Variants in LRP1B observed in about 807,000 individuals in gnomAD.
LRP1B encodes the protein low-density lipoprotein receptor-related protein 1B.
LRP1B carries 217 observed loss-of-function variants against 556.6 expected under a neutral mutation model. The ratio of observed to expected loss-of-function variants is 0.39; its 90% CI spans 0.35 to 0.44. The LOEUF (loss-of-function observed/expected upper bound fraction) is 0.44, where lower values mean the gene tolerates loss of function less well. Ranked by LOEUF, LRP1B falls within the 20% of genes least tolerant of loss-of-function variation. The pLI, the probability that LRP1B is intolerant of heterozygous loss-of-function variation, is 1.00. For missense variants in LRP1B, 5,053 were observed against 5,620.8 expected (o/e 0.90, Z 3.23); for synonymous variants, 2,047 against 1,865.8 (o/e 1.10, Z -2.50).
chr2:141,997,011 A>G (rs1430173439), intron 1 of LRP1B, among the ~76,000 whole-genome samples: 1 of 152,168 alleles, frequency 6.6e-6, no homozygotes, highest in Non-Finnish European at 1.5e-5. Flanking sequence ...AGTGATGCCC[A>G]GAGCATCACT....
At chr2:141,457,030 T>C (rs1294598725) in intron 3 of LRP1B, among the ~76,000 whole-genome samples, 3 of 152,212 alleles carry the variant, frequency 2.0e-5, no homozygotes, top group East Asian at 1.9e-4. Context: ...TGGAATGAGT[T>C]AGATCAGGTG....
intron 32 of LRP1B, among the ~76,000 whole-genome samples, chr2:140,805,341 G>T (rs1330759718): frequency 1.3e-5 from 2 of 152,068 alleles, no homozygotes; most frequent in African/African-American, 2.4e-5. Flanking sequence ...AAGGCTGGTG[G>T]TTTTTTTGCC....
chr2:140,961,357 C>T (rs1696027786), intron 18 of LRP1B, among the ~76,000 whole-genome samples: 1 of 151,892 alleles, frequency 6.6e-6, no homozygotes, highest in Admixed American at 6.6e-5. Flanking sequence ...CAATCATTTC[C>T]TAGGTCACAA....
chr2:140,685,908 G>A (rs1686032164), intron 41 of LRP1B, among the ~76,000 whole-genome samples: 2 of 152,072 alleles, frequency 1.3e-5, no homozygotes, highest in South Asian at 4.1e-4. Flanking sequence ...CAGCAAATAA[G>A]GAAGTGATAA....
intron 1 of LRP1B, among the ~76,000 whole-genome samples, chr2:142,112,754 G>T (rs1271811525): frequency 6.6e-6 from 1 of 152,044 alleles, no homozygotes; most frequent in Non-Finnish European, 1.5e-5. Flanking sequence ...GTTCTGATGT[G>T]CTCAGTACAA....
intron 31 of LRP1B, among the ~76,000 whole-genome samples, chr2:140,820,912 TA>T (rs5834782): frequency 6.9e-4 from 99 of 143,738 alleles, no homozygotes; most frequent in Middle Eastern, 3.7e-3. Flanking sequence ...GTTGCTTCTT[TA>T]AAAAAAAAAA....
intron 20 of LRP1B, among the ~76,000 whole-genome samples, chr2:140,947,158 G>C (rs1297248182): frequency 6.6e-6 from 1 of 151,934 alleles, no homozygotes; most frequent in Non-Finnish European, 1.5e-5. Flanking sequence ...AGTACCCCCC[G>C]AATCTATTAT....
chr2:140,492,225 G>A (rs2104861399), intron 57 of LRP1B, among the ~76,000 whole-genome samples: 1 of 152,186 alleles, frequency 6.6e-6, no homozygotes, highest in African/African-American at 2.4e-5. Context: ...ATTATAAAAA[G>A]CAGTGGAGGA....
chr2:141,145,397 A>ATATT (rs139058657), intron 7 of LRP1B, among the ~76,000 whole-genome samples: 51,785 of 151,750 alleles, frequency 0.34, 10,127 homozygotes, highest in African/African-American at 0.54. Context: ...TTTCATTCGT[A>ATATT]TAGATTACAT....
At chr2:140,887,965 T>C (rs1693689049) in intron 23 of LRP1B, among the ~76,000 whole-genome samples, 1 of 152,158 alleles carries the variant, frequency 6.6e-6, no homozygotes, top group Non-Finnish European at 1.5e-5. Flanking sequence ...CAAAATTAAA[T>C]AGTTGTAATA....
At chr2:140,975,170 T>C (rs1696555020) in intron 18 of LRP1B, among the ~76,000 whole-genome samples, 1 of 152,136 alleles carries the variant, frequency 6.6e-6, no homozygotes, top group African/African-American at 2.4e-5. Flanking sequence ...CTTAAGGCTA[T>C]GAGATATACA....
intron 2 of LRP1B, among the ~76,000 whole-genome samples, chr2:141,665,096 G>A (rs1690375651): frequency 1.3e-5 from 2 of 152,090 alleles, no homozygotes; most frequent in Non-Finnish European, 2.9e-5. Flanking sequence ...ACAGAAACAA[G>A]CAATGGGGAA....
At chr2:141,173,622 T>C (rs1680603691) in intron 7 of LRP1B, among the ~76,000 whole-genome samples, 1 of 152,108 alleles carries the variant, frequency 6.6e-6, no homozygotes, top group Admixed American at 6.6e-5. Flanking sequence ...CACTTGTTCC[T>C]CCTGCATGTC....
chr2:140,719,162 T>C (rs541089720), intron 35 of LRP1B, among the ~76,000 whole-genome samples: 1 of 152,224 alleles, frequency 6.6e-6, no homozygotes, highest in African/African-American at 2.4e-5. Flanking sequence ...TGGCACATAA[T>C]AAGCTCAAAG....
chr2:140,423,806 T>C (rs1451825141), intron 66 of LRP1B, among the ~76,000 whole-genome samples: 2 of 152,048 alleles, frequency 1.3e-5, no homozygotes, highest in African/African-American at 4.8e-5. Flanking sequence ...AATCTAGACA[T>C]TATCAAGAAA....
intron 3 of LRP1B, among the ~76,000 whole-genome samples, chr2:141,440,286 A>G (rs1159725616): frequency 6.6e-6 from 1 of 152,216 alleles, no homozygotes; most frequent in Non-Finnish European, 1.5e-5. Context: ...GGCTATTTAG[A>G]GGACTTAGTC....
At chr2:142,089,909 T>C (rs999043984) in intron 1 of LRP1B, among the ~76,000 whole-genome samples, 3 of 152,250 alleles carry the variant, frequency 2.0e-5, no homozygotes, top group Non-Finnish European at 4.4e-5. Flanking sequence ...TATTATCCAG[T>C]TTTGGTTTTA....
At chr2:141,380,098 G>T (rs1279479351) in intron 3 of LRP1B, among the ~76,000 whole-genome samples, 3 of 152,028 alleles carry the variant, frequency 2.0e-5, no homozygotes, top group Non-Finnish European at 2.9e-5. Flanking sequence ...CTTTTAACTT[G>T]CTTGTCTCTT....
chr2:141,683,919 A>G (rs755870342), intron 2 of LRP1B, among the ~76,000 whole-genome samples: 1 of 152,146 alleles, frequency 6.6e-6, no homozygotes, highest in African/African-American at 2.4e-5. Flanking sequence ...TAGAATGGCA[A>G]TCATTAAAAA....
Sources: allele counts gnomAD v4.1 joint callset (sites outside exome capture counted in the v4.1 genomes callset), GRCh38; gene constraint gnomAD v4.1.1; transcripts MANE v1.5; gene names NCBI Gene and HGNC (gene_info 2026-07-23, HGNC 2026-07-21).